Variants in STXBP5L observed in about 807,000 individuals in gnomAD.
The protein encoded by STXBP5L is syntaxin binding protein 5L.
A neutral mutation model predicts 144.5 loss-of-function variants in STXBP5L; 65 were observed. That is an observed-to-expected ratio of 0.45 (90% CI 0.37 to 0.55). The LOEUF is 0.55. Among genes scored for constraint, STXBP5L ranks in the 20% least tolerant of loss-of-function variants. The pLI, the probability that STXBP5L is intolerant of heterozygous loss-of-function variation, is 0.00. For synonymous variants in STXBP5L, 505 were observed against 469.6 expected, an observed-to-expected ratio of 1.08 and a Z score of -0.97; for missense variants, 1,298 against 1,405.5, an observed-to-expected ratio of 0.92 and a Z score of 1.22.
intron 3 of STXBP5L, among the ~76,000 whole-genome samples, chr3:120,971,719 TAC>T (rs987895805): frequency 2.0e-5 from 3 of 151,476 alleles, no homozygotes; most frequent in East Asian, 1.9e-4. Flanking sequence ...TACATATATG[TAC>T]ACACACATAT....
intron 5 of STXBP5L, among the ~76,000 whole-genome samples, chr3:121,088,308 A>AGATAGAATTCTAGGTTT (rs1162482495): frequency 8.3e-6 from 1 of 119,802 alleles, no homozygotes; most frequent in African/African-American, 3.3e-5. Flanking sequence ...TCTCAAAAGA[A>AGATAGAATTCTAGGTTT]GACATTTATG....
At chr3:120,957,983 A>G (rs1559909597) in intron 3 of STXBP5L, among the ~76,000 whole-genome samples, 1 of 152,168 alleles carries the variant, frequency 6.6e-6, no homozygotes, top group East Asian at 1.9e-4. Context: ...GTTTTTTGAA[A>G]AGATCAACAA....
intron 9 of STXBP5L, among the ~76,000 whole-genome samples, chr3:121,189,398 A>T (rs547970595): frequency 2.0e-5 from 3 of 152,308 alleles, no homozygotes; most frequent in South Asian, 4.1e-4. Flanking sequence ...TAATTTTTGT[A>T]TAAAGTGTAA....
intron 19 of STXBP5L, chr3:121,282,443 G>C: frequency 9.7e-7 from 1 of 1,033,874 alleles, no homozygotes; most frequent in Non-Finnish European, 1.4e-6. Context: ...CATTCAGCAT[G>C]CATGCAAATT....
intron 18 of STXBP5L, among the ~76,000 whole-genome samples, chr3:121,262,780 A>G (rs764038313): frequency 3.3e-5 from 5 of 152,194 alleles, no homozygotes; most frequent in Non-Finnish European, 7.3e-5. Flanking sequence ...TACCCATTCT[A>G]AAAGGAAGAA....
chr3:121,202,142 A>T (rs1248152177), intron 9 of STXBP5L, among the ~76,000 whole-genome samples: 1 of 152,118 alleles, frequency 6.6e-6, no homozygotes, highest in Non-Finnish European at 1.5e-5. Flanking sequence ...TTTAAATTAA[A>T]TTATTATTAA....
chr3:121,204,657 A>G (rs185141510), intron 9 of STXBP5L, among the ~76,000 whole-genome samples: 12 of 152,306 alleles, frequency 7.9e-5, no homozygotes, highest in Admixed American at 6.5e-4. Flanking sequence ...GTAATAGATA[A>G]TGTATTACAT....
chr3:121,409,435 G>T lies in STXBP5L; in HGVS notation c.2948+1832G>T, dbSNP rs552356760. ...AAACAGTAGATCTCACAACTGGTGG[G>T]ATATTAATGATCTTTGAGAAAGCAA... is the stretch of plus-strand genomic sequence containing the variant. On this transcript the variant is annotated intron_variant, in intron 23 of 26. Coordinates refer to ENST00000471454, the MANE Select transcript of STXBP5L (RefSeq NM_001308330.2). 3.0e-4 allele frequency among the ~76,000 whole-genome samples: 46 copies of T among 151,990 alleles called. No homozygotes were observed. In the South Asian group the frequency reaches 9.5e-3, roughly 32 times the overall value.
intron 3 of STXBP5L, among the ~76,000 whole-genome samples, chr3:121,027,024 AGTGGCATATATTGGT>A (rs1017712542): frequency 1.1e-4 from 16 of 151,826 alleles, no homozygotes; most frequent in Non-Finnish European, 2.4e-4. Flanking sequence ...CATATGCCAA[AGTGGCATATATTGGT>A]GTGGCATATT....
chr3:121,007,202 G>A (rs1049599390), intron 3 of STXBP5L, among the ~76,000 whole-genome samples: 2 of 152,006 alleles, frequency 1.3e-5, no homozygotes, highest in African/African-American at 2.4e-5. Context: ...ATTTTGAATA[G>A]ATATTGAAGT....
chr3:121,212,759 T>TG (rs1376842422), intron 10 of STXBP5L, among the ~76,000 whole-genome samples: 12 of 152,156 alleles, frequency 7.9e-5, no homozygotes, highest in African/African-American at 2.9e-4. Context: ...AGAAAGTCAA[T>TG]GGTAGCTTGA....
chr3:121,060,685 C>G (rs1044788340), intron 5 of STXBP5L, among the ~76,000 whole-genome samples: 2 of 152,292 alleles, frequency 1.3e-5, no homozygotes, highest in South Asian at 2.1e-4. Context: ...TCGACTTCTT[C>G]CTAGTTTAGA....
At chr3:121,151,014 G>C (rs966981381) in intron 7 of STXBP5L, among the ~76,000 whole-genome samples, 2 of 152,060 alleles carry the variant, frequency 1.3e-5, no homozygotes, top group African/African-American at 2.4e-5. Context: ...TTGAACCCAG[G>C]AGGCGGAGGT....
intron 2 of STXBP5L, among the ~76,000 whole-genome samples, chr3:120,939,689 C>T (rs964004586): frequency 1.3e-5 from 2 of 152,108 alleles, no homozygotes; most frequent in African/African-American, 4.8e-5. Context: ...CTTTTTCAAT[C>T]GTCGAACATA....
intron 19 of STXBP5L, among the ~76,000 whole-genome samples, chr3:121,304,142 G>A (rs1378328736): frequency 1.3e-5 from 2 of 152,026 alleles, no homozygotes; most frequent in African/African-American, 4.8e-5. Context: ...TCAAGGCAAG[G>A]AGATAAACAG....
At chr3:121,365,355 T>C (rs2045833030) in intron 20 of STXBP5L, among the ~76,000 whole-genome samples, 1 of 151,854 alleles carries the variant, frequency 6.6e-6, no homozygotes, top group Non-Finnish European at 1.5e-5. Context: ...TTTAAAGATT[T>C]GGCAGAATAC....
chr3:121,261,184 C>T (rs913169689), intron 18 of STXBP5L, among the ~76,000 whole-genome samples: 2 of 152,058 alleles, frequency 1.3e-5, no homozygotes, highest in African/African-American at 4.8e-5. Flanking sequence ...GATAAAAAAA[C>T]ACATTTCCCT....
At chr3:121,024,055 G>T (rs762893826) in intron 3 of STXBP5L, among the ~76,000 whole-genome samples, 4 of 152,018 alleles carry the variant, frequency 2.6e-5, no homozygotes, top group South Asian at 2.1e-4. Context: ...ACCGTGCCTG[G>T]CCTAAAAATG....
At chr3:120,939,847 A>T (rs1710474140) in intron 2 of STXBP5L, among the ~76,000 whole-genome samples, 1 of 152,134 alleles carries the variant, frequency 6.6e-6, no homozygotes, top group African/African-American at 2.4e-5. Context: ...TACAGATGGA[A>T]TTGGAAGGGG....
Sources: allele counts gnomAD v4.1 joint callset (sites outside exome capture counted in the v4.1 genomes callset), GRCh38; gene constraint gnomAD v4.1.1; transcripts MANE v1.5; gene names NCBI Gene and HGNC (gene_info 2026-07-23, HGNC 2026-07-21).